Variants in MARCHF3 observed in about 807,000 individuals in gnomAD.
MARCHF3 encodes the protein membrane associated ring-CH-type finger 3.
Under a neutral mutation model 24.2 loss-of-function variants are expected in MARCHF3, and 13 were observed. That is an observed-to-expected ratio of 0.54 (90% CI 0.35 to 0.85). The LOEUF (loss-of-function observed/expected upper bound fraction) is 0.85. MARCHF3 is among the 40% of genes least tolerant of loss of function. The pLI is 0.01. For synonymous variants in MARCHF3, 144 were observed against 137.3 expected, an observed-to-expected ratio of 1.05 and a Z score of -0.34; for missense variants, 276 against 325.0, an observed-to-expected ratio of 0.85 and a Z score of 1.16.
intron 1 of MARCHF3, among the ~76,000 whole-genome samples, chr5:126,950,902 T>C (rs1236998628): frequency 1.3e-5 from 2 of 152,184 alleles, no homozygotes; most frequent in African/African-American, 2.4e-5. Context: ...ATTGCACAAA[T>C]ATAAAGTGTA....
chr5:126,955,066 T>C (rs1029937001), intron 1 of MARCHF3, among the ~76,000 whole-genome samples: 1 of 152,252 alleles, frequency 6.6e-6, no homozygotes, highest in Admixed American at 6.5e-5. Flanking sequence ...CAACGCTGTT[T>C]CTGAAATCTA....
At chr5:126,894,207 T>C in intron 3 of MARCHF3, among the ~76,000 whole-genome samples, 1 of 134,614 alleles carries the variant, frequency 7.4e-6, no homozygotes, top group South Asian at 2.7e-4. Context: ...ATGGGTTTCC[T>C]GAATACAGCA....
intron 3 of MARCHF3, among the ~76,000 whole-genome samples, chr5:126,891,035 C>G (rs1390261134): frequency 6.6e-6 from 1 of 150,906 alleles, no homozygotes; most frequent in Non-Finnish European, 1.5e-5. Flanking sequence ...TCTCTGATGG[C>G]CAGTGATGGT....
chr5:126,979,240 G>C (rs116200217), intron 1 of MARCHF3, among the ~76,000 whole-genome samples: 1,660 of 152,246 alleles, frequency 0.011, 27 homozygotes, highest in African/African-American at 0.038. Flanking sequence ...CGGCTCTTTA[G>C]GACATGGACC....
At chr5:126,993,382 C>T (rs1364401026) in intron 1 of MARCHF3, among the ~76,000 whole-genome samples, 1 of 152,144 alleles carries the variant, frequency 6.6e-6, no homozygotes, top group Non-Finnish European at 1.5e-5. Context: ...TAAAAGTAAT[C>T]AGTTATTAGG....
chr5:126,878,165 C>T lies in MARCHF3; in HGVS notation c.603+20G>A. The T allele has an allele frequency of 3.7e-6, 6 of 1,611,292 alleles. No homozygotes were observed. Among genetic ancestry groups the T allele is most frequent in the Non-Finnish European group, 5.1e-6 (6 of 1,177,632 alleles). On this transcript the variant is annotated intron_variant, in intron 4 of 4. Coordinates refer to ENST00000308660, the MANE Select transcript of MARCHF3 (RefSeq NM_178450.5). ...TGCCAGCTCCAAATGGCCTGAACCC[C>T]AGCCACGGCCCATACTTACTAGTGT...
intron 1 of MARCHF3, among the ~76,000 whole-genome samples, chr5:126,935,038 T>G (rs1476933530): frequency 1.3e-5 from 2 of 152,172 alleles, no homozygotes; most frequent in Non-Finnish European, 2.9e-5. Flanking sequence ...GATTGAGCTT[T>G]TATGAGCTGG....
intron 1 of MARCHF3, among the ~76,000 whole-genome samples, chr5:127,003,207 C>T (rs976171730): frequency 6.6e-6 from 1 of 151,786 alleles, no homozygotes; most frequent in Non-Finnish European, 1.5e-5. Flanking sequence ...TGGCCGGGCG[C>T]GGTGGCTCAC....
intron 1 of MARCHF3, among the ~76,000 whole-genome samples, chr5:126,925,085 T>C (rs528341394): frequency 3.9e-5 from 6 of 152,246 alleles, no homozygotes; most frequent in Non-Finnish European, 8.8e-5. Flanking sequence ...CATTATTTTC[T>C]GCTAGGTGCT....
intron 1 of MARCHF3, among the ~76,000 whole-genome samples, chr5:126,997,080 C>G (rs1326751256): frequency 1.3e-5 from 2 of 152,170 alleles, no homozygotes; most frequent in Non-Finnish European, 2.9e-5. Flanking sequence ...AGAATACTTA[C>G]AGTACTTCCC....
At chr5:126,917,560 T>C (rs1447089586) in intron 2 of MARCHF3, among the ~76,000 whole-genome samples, 1 of 152,102 alleles carries the variant, frequency 6.6e-6, no homozygotes, top group African/African-American at 2.4e-5. Context: ...CCAGTCCACA[T>C]GCACACCAAG....
At position 126,913,255 on chromosome 5, in the gene MARCHF3, G is replaced by A. The variant is rs56063325; in HGVS notation, c.393+1675C>T. On this transcript the variant is annotated intron_variant, in intron 3 of 4. Transcript: ENST00000308660. ...ACACTGGGATTTTTACTGGGGAAAC[G>A]CTAGTTAAAAAGATCGCTGGATAGA... 8.4e-3 allele frequency among the ~76,000 whole-genome samples: 1,284 copies of A among 152,310 alleles called. 18 individuals are homozygous for A. Among genetic ancestry groups the A allele is most frequent in the East Asian group, 0.025 (129 of 5,172 alleles).
chr5:126,998,169 C>G (rs1752007465), intron 1 of MARCHF3, among the ~76,000 whole-genome samples: 1 of 152,150 alleles, frequency 6.6e-6, no homozygotes, highest in Non-Finnish European at 1.5e-5. Context: ...AATTAGAAAA[C>G]TCCATGTACA....
intron 1 of MARCHF3, among the ~76,000 whole-genome samples, chr5:126,983,771 G>T (rs894145418): frequency 4.6e-5 from 7 of 152,172 alleles, no homozygotes; most frequent in Admixed American, 3.3e-4. Flanking sequence ...AGGATGCAAA[G>T]GGTTCTCTCA....
At position 126,988,582 on chromosome 5, in the gene MARCHF3, A is replaced by G. The variant is rs181034167; in HGVS notation, c.-57+41768T>C. On this transcript the variant is annotated intron_variant, in intron 1 of 4. Coordinates refer to ENST00000308660, the MANE Select transcript of MARCHF3 (RefSeq NM_178450.5). ...CTTGATCTAACAGACAGGAGAGTCA[A>G]GATTTAACTACATAAATTGGGACAA... Among the ~76,000 whole-genome samples the G allele has an allele frequency of 2.5e-3, 380 of 152,342 alleles. 3 individuals are homozygous for G. Among genetic ancestry groups the G allele is most frequent in the African/African-American group, 8.8e-3 (367 of 41,580 alleles).
intron 3 of MARCHF3, among the ~76,000 whole-genome samples, chr5:126,882,737 A>G (rs1346134657): frequency 6.6e-6 from 1 of 152,230 alleles, no homozygotes; most frequent in African/African-American, 2.4e-5. Flanking sequence ...ACCTCATGCT[A>G]AATGAATGAG....
chr5:126,999,737 T>A (rs1288205879), intron 1 of MARCHF3, among the ~76,000 whole-genome samples: 1 of 152,192 alleles, frequency 6.6e-6, no homozygotes, highest in Admixed American at 6.5e-5. Context: ...CAACAAACAA[T>A]GAACACCGAT....
At chr5:126,906,093 G>C (rs966913280) in intron 3 of MARCHF3, among the ~76,000 whole-genome samples, 1 of 146,356 alleles carries the variant, frequency 6.8e-6, no homozygotes, top group Admixed American at 7.0e-5. Flanking sequence ...TTTGTCTTTG[G>C]TTCTGTTTAT....
At chr5:126,988,348 G>C (rs2126840967) in intron 1 of MARCHF3, among the ~76,000 whole-genome samples, 1 of 152,300 alleles carries the variant, frequency 6.6e-6, no homozygotes, top group East Asian at 1.9e-4. Context: ...CACCATCTGT[G>C]AAGAAAAATA....
Sources: gnomAD v4.1 joint callset for allele counts (sites outside exome capture counted in the v4.1 genomes callset) on GRCh38, gnomAD v4.1.1 for gene constraint, MANE v1.5 for transcripts, NCBI Gene and HGNC (gene_info 2026-07-23, HGNC 2026-07-21) for gene names.